The following NDUFA10 variants were observed in gnomAD, a reference collection of about 807,000 sequenced individuals.
NDUFA10 encodes the protein NADH dehydrogenase [ubiquinone] 1 alpha subcomplex subunit 10, mitochondrial.
A neutral mutation model predicts 47.8 loss-of-function variants in NDUFA10; 40 were observed. That is an observed-to-expected ratio of 0.84 (90% CI 0.65 to 1.09). NDUFA10 has a LOEUF of 1.09. Among genes scored for constraint, NDUFA10 ranks in the 50% least tolerant of loss-of-function variants. The pLI is 0.00. For synonymous variants in NDUFA10, 183 were observed against 172.2 expected (o/e 1.06, Z -0.49); for missense variants, 413 against 451.1 (o/e 0.92, Z 0.76).
chr2:239,924,627 G>A (rs4411726), intron 4 of NDUFA10, among the ~76,000 whole-genome samples: 70,192 of 151,836 alleles, frequency 0.46, 16,924 homozygotes, highest in African/African-American at 0.62. Context: ...TAAAAGACTC[G>A]GATCCTGAAT....
rs930024837 is a variant in NDUFA10, at chr2:239,960,047, C to G, written c.*1071G>C. The G allele has an allele frequency of 4.0e-5, 39 of 984,972 alleles. No homozygotes were observed. In the South Asian group the frequency reaches 9.9e-4, roughly 25 times the overall value. 61.0% of individuals were successfully genotyped at this position (984,972 alleles called of 1,614,324 possible). On this transcript the variant is annotated 3_prime_UTR_variant, in exon 10 of 10. Coordinates refer to ENST00000252711, the MANE Select transcript of NDUFA10 (RefSeq NM_004544.4). ...TGCAACCAAGGAACCCAATTTTAAA[C>G]TCTATTACATTTTAGCTCATTTAAA...
In NDUFA10 at chr2:240,016,125, T is replaced by A. The variant is rs934524860; in HGVS notation, c.548-1265A>T. Among the ~76,000 whole-genome samples the A allele has an allele frequency of 3.3e-5, 5 of 152,056 alleles. No individual in the cohort carries two copies. The highest frequency in any genetic ancestry group is 3.3e-4 in the Admixed American group (5 of 15,276). On this transcript the variant is annotated intron_variant, in intron 4 of 9. Coordinates refer to ENST00000252711, the MANE Select transcript of NDUFA10 (RefSeq NM_004544.4). The surrounding 1 kb of genome is among the most constrained non-coding windows in gnomAD (Gnocchi z 4.4). The stretch of plus-strand genomic sequence containing the variant: ...CCTCACTCTAGAGGCAACTGTGGGA[T>A]GAGCCTTTGGCTCAGGGTCAGGAAC...
chr2:239,905,578 C>T (rs1217554240), intron 4 of NDUFA10, among the ~76,000 whole-genome samples: 2 of 152,302 alleles, frequency 1.3e-5, no homozygotes, highest in Admixed American at 1.3e-4. Flanking sequence ...GATGCTGCCG[C>T]GTCGGGGGGT....
intron 4 of NDUFA10, among the ~76,000 whole-genome samples, chr2:239,895,541 C>T (rs1316659324): frequency 6.6e-6 from 1 of 152,190 alleles, no homozygotes; most frequent in Non-Finnish European, 1.5e-5. Flanking sequence ...AAAACTTTTC[C>T]TTTTCCTCTG....
At chr2:239,935,854 C>T (rs1177509908) in intron 4 of NDUFA10, among the ~76,000 whole-genome samples, 1 of 152,214 alleles carries the variant, frequency 6.6e-6, no homozygotes, top group Admixed American at 6.5e-5. Flanking sequence ...CCACATGGAA[C>T]TGTGAGTCCA....
chr2:240,013,362 G>A (rs1697214547), intron 5 of NDUFA10: 1 of 152,156 alleles, frequency 6.6e-6, no homozygotes, highest in African/African-American at 2.4e-5. Flanking sequence ...CTCTACTTTA[G>A]ACCTCAGAAT....
chr2:239,938,882 A>G (rs1268666027), intron 4 of NDUFA10, among the ~76,000 whole-genome samples: 1 of 152,242 alleles, frequency 6.6e-6, no homozygotes, highest in Non-Finnish European at 1.5e-5. Flanking sequence ...TACCCAGCAC[A>G]GCCAGAGGGT....
intron 9 of NDUFA10, among the ~76,000 whole-genome samples, chr2:239,986,458 C>T (rs540762934): frequency 1.1e-4 from 17 of 152,182 alleles, no homozygotes; most frequent in African/African-American, 2.4e-4. Flanking sequence ...ATATGGACCA[C>T]GAGAGCACTA....
At chr2:239,970,968 A>G (rs1184364939) in intron 9 of NDUFA10, among the ~76,000 whole-genome samples, 1 of 152,254 alleles carries the variant, frequency 6.6e-6, no homozygotes, top group Admixed American at 6.5e-5. Context: ...GGTTTGGCTA[A>G]TAACAACAGA....
chr2:239,981,761 A>G (rs1321859157), intron 9 of NDUFA10, among the ~76,000 whole-genome samples: 3 of 152,162 alleles, frequency 2.0e-5, no homozygotes, highest in African/African-American at 7.2e-5. Flanking sequence ...TTACAGAAGC[A>G]CAGTGCAAGT....
chr2:239,982,238 C>T (rs755122015), intron 9 of NDUFA10: 2 of 1,612,198 alleles, frequency 1.2e-6, no homozygotes, highest in African/African-American at 2.7e-5. Context: ...TTAGACGAAA[C>T]AATTCTGTTC....
intron 9 of NDUFA10, among the ~76,000 whole-genome samples, chr2:239,964,227 G>T (rs1294598796): frequency 6.6e-6 from 1 of 152,166 alleles, no homozygotes; most frequent in South Asian, 2.1e-4. Context: ...GATCATCTGG[G>T]TTATCTGGGT....
At chr2:239,964,680 G>A (rs1020288500) in intron 9 of NDUFA10, among the ~76,000 whole-genome samples, 6 of 152,162 alleles carry the variant, frequency 3.9e-5, no homozygotes, top group African/African-American at 1.4e-4. Flanking sequence ...TGTGAAAGCA[G>A]CAAGGCCCTC....
intron 8 of NDUFA10, among the ~76,000 whole-genome samples, chr2:240,002,141 C>T (rs1360160620): frequency 6.6e-6 from 1 of 151,988 alleles, no homozygotes; most frequent in Admixed American, 6.5e-5. Context: ...ACCAGTCTGC[C>T]CAACATGGCG....
chr2:239,914,444 TACAC>T lies in NDUFA10; in HGVS notation c.295-19134_295-19131del, dbSNP rs1157616465. On this transcript the variant is annotated intron_variant, in intron 4 of 5. Transcript: ENST00000419408. Reference sequence around the variant, plus strand: ...AGACACACACAGAGACACACAGAGATACACACACAAACATACACACACAGACACA... The same window carrying T: ...AGACACACACAGAGACACACAGAGATACACAAACATACACACACAGACACA... 1.7e-4 allele frequency among the ~76,000 whole-genome samples: 17 copies of T among 102,754 alleles called. 1 individual carries two copies. The highest frequency in any genetic ancestry group is 8.8e-4 in the South Asian group (3 of 3,428). The allele number at this position is 102,754 out of a possible 152,430, so 67.4% of individuals were successfully genotyped here. A position where few individuals can be genotyped will look rare whatever the true frequency, so the allele number is the denominator to read the frequency against.
chr2:240,000,172 A>G (rs1696645927), intron 8 of NDUFA10, among the ~76,000 whole-genome samples: 1 of 152,220 alleles, frequency 6.6e-6, no homozygotes, highest in South Asian at 2.1e-4. Flanking sequence ...TTTTTAGAGT[A>G]CTCATCTTAC....
chr2:240,004,656 T>TCCTCTCC (rs1321390491), intron 8 of NDUFA10, among the ~76,000 whole-genome samples: 3 of 152,084 alleles, frequency 2.0e-5, no homozygotes, highest in African/African-American at 7.2e-5. Flanking sequence ...CTCCCCACAC[T>TCCTCTCC]TTTTCTGGCC....
At position 240,016,516 on chromosome 2, in the gene NDUFA10, G is replaced by A. The variant is rs1165960546; in HGVS notation, c.548-1656C>T. 6.6e-6 allele frequency among the ~76,000 whole-genome samples: 1 copy of A among 152,084 alleles called. No individual in the cohort carries two copies. Among genetic ancestry groups the A allele is most frequent in the Non-Finnish European group, 1.5e-5 (1 of 68,004 alleles). ...CAAACGACTCTGGCTAACATCACCAGCCCCCGAAAGGTGAAACGTGACAGT... is the reference window on the plus strand; with the variant it reads ...CAAACGACTCTGGCTAACATCACCAACCCCCGAAAGGTGAAACGTGACAGT... On this transcript the variant is annotated intron_variant, in intron 4 of 9. Coordinates refer to ENST00000252711, the MANE Select transcript of NDUFA10 (RefSeq NM_004544.4). This position sits in a 1 kb window ranked among gnomAD's most constrained non-coding sequence, Gnocchi z 4.4.
chr2:239,986,757 A>T (rs1203199154), intron 9 of NDUFA10, among the ~76,000 whole-genome samples: 1 of 152,244 alleles, frequency 6.6e-6, no homozygotes, highest in Non-Finnish European at 1.5e-5. Context: ...TGCTAAAACT[A>T]CTGAGTGAAA....
Sources: gnomAD v4.1 joint callset for allele counts (sites outside exome capture counted in the v4.1 genomes callset) on GRCh38, gnomAD v4.1.1 for gene constraint, Gnocchi (gnomAD v3.1) non-coding constraint, MANE v1.5 for transcripts, NCBI Gene and HGNC (gene_info 2026-07-23, HGNC 2026-07-21) for gene names.